PHACTR2: variants seen among roughly 807,000 people sequenced by gnomAD.
PHACTR2 encodes chromosome 6 open reading frame 56.
In PHACTR2, 30 loss-of-function variants were observed where a neutral mutation model predicts 76.0. That is an observed-to-expected ratio of 0.39 (90% CI 0.30 to 0.54). The LOEUF (loss-of-function observed/expected upper bound fraction) is 0.54. Ranked by LOEUF, PHACTR2 falls within the 20% of genes least tolerant of loss-of-function variation. PHACTR2 has a pLI of 0.61. For missense variants in PHACTR2, 696 were observed against 781.1 expected (o/e 0.89, Z 1.30); for synonymous variants, 292 against 292.5 (o/e 1.00, Z 0.02).
chr6:143,702,631 G>A (rs946189801), intron 1 of PHACTR2, among the ~76,000 whole-genome samples: 2 of 152,096 alleles, frequency 1.3e-5, no homozygotes, highest in East Asian at 3.8e-4. Context: ...TATATATAGG[G>A]CTTTAATATA....
chr6:143,725,286 C>A (rs1236139355), intron 2 of PHACTR2, among the ~76,000 whole-genome samples: 1 of 148,506 alleles, frequency 6.7e-6, no homozygotes, highest in Admixed American at 6.7e-5. Flanking sequence ...CGGCAAGCTC[C>A]GCCTCCTGGG....
chr6:143,788,751 CT>C (rs1775611284), intron 10 of PHACTR2, 21 bp from the exon 11 acceptor site: 2 of 1,599,268 alleles, frequency 1.3e-6, no homozygotes, highest in South Asian at 1.1e-5. Context: ...TGAACTCTGC[CT>C]TTTTCCTTGT....
At chr6:143,723,309 A>G (rs780139589) in intron 2 of PHACTR2, among the ~76,000 whole-genome samples, 1 of 152,216 alleles carries the variant, frequency 6.6e-6, no homozygotes, top group Non-Finnish European at 1.5e-5. Flanking sequence ...TAGCTAGACC[A>G]TCCAGATGGC....
intron 1 of PHACTR2, among the ~76,000 whole-genome samples, chr6:143,636,807 T>A (rs540239031): frequency 6.6e-6 from 1 of 152,372 alleles, no homozygotes; most frequent in South Asian, 2.1e-4. Context: ...CATACCCAAC[T>A]CACCAAACAA....
intron 2 of PHACTR2, among the ~76,000 whole-genome samples, chr6:143,726,441 C>T (rs997768584): frequency 2.0e-5 from 3 of 152,090 alleles, no homozygotes; most frequent in Admixed American, 6.5e-5. Flanking sequence ...CCTTTTTGCC[C>T]CCCCAGTAAC....
At chr6:143,718,783 T>C (rs1459439206) in intron 2 of PHACTR2, among the ~76,000 whole-genome samples, 1 of 152,196 alleles carries the variant, frequency 6.6e-6, no homozygotes, top group African/African-American at 2.4e-5. Flanking sequence ...CTTAAGGTGA[T>C]ATTTGTTAAG....
In PHACTR2 at chr6:143,829,617, C is replaced by T. The variant is rs1220286967; in HGVS notation, c.*5928C>T. Reference sequence around the variant, plus strand: ...TTTACTTAGGTGAAACATTATTAAACTGTACTAACAATACAGAAACATATT... The same window carrying T: ...TTTACTTAGGTGAAACATTATTAAATTGTACTAACAATACAGAAACATATT... On this transcript the variant is annotated 3_prime_UTR_variant, in exon 13 of 13. Transcript: ENST00000440869. 2 of 152,172 alleles carry T rather than the reference C, an allele frequency of 1.3e-5. No homozygotes were observed. Among genetic ancestry groups the T allele is most frequent in the Non-Finnish European group, 2.9e-5 (2 of 68,034 alleles). 9.4% of individuals were successfully genotyped at this position (152,172 alleles called of 1,614,324 possible).
At chr6:143,642,760 A>T (rs1776590914) in intron 1 of PHACTR2, among the ~76,000 whole-genome samples, 1 of 152,212 alleles carries the variant, frequency 6.6e-6, no homozygotes, top group South Asian at 2.1e-4. Context: ...AAACCTAGGA[A>T]TGTCAAAGTT....
rs1005986691 is a variant in PHACTR2 at position 143,828,915 on chromosome 6, C to T, written c.*5226C>T. On this transcript the variant is annotated 3_prime_UTR_variant, in exon 13 of 13. Transcript: ENST00000440869. This position sits in a 1 kb window ranked among gnomAD's most constrained non-coding sequence, Gnocchi z 4.7. ...CTCCCTGGGAGGTTGGTATCACCTC[C>T]CCTGAATGCCACTGTCTACTGCATT... 6.6e-5 allele frequency: 10 copies of T among 152,162 alleles called. No homozygotes were observed. Among genetic ancestry groups the T allele is most frequent in the Non-Finnish European group, 1.0e-4 (7 of 68,026 alleles). The allele number at this position is 152,162 out of a possible 1,614,324, so 9.4% of individuals were successfully genotyped here. A position where few individuals can be genotyped will look rare whatever the true frequency, so the allele number is the denominator to read the frequency against.
chr6:143,609,195 TCTACA>T (rs1019311168), intron 1 of PHACTR2, among the ~76,000 whole-genome samples: 70 of 152,246 alleles, frequency 4.6e-4, no homozygotes, highest in African/African-American at 1.5e-3. Context: ...TAAAACACAT[TCTACA>T]CTACAAGACC....
upstream of PHACTR2, among the ~76,000 whole-genome samples, chr6:143,604,226 A>G (rs1416340323): frequency 6.6e-6 from 1 of 152,260 alleles, no homozygotes; most frequent in African/African-American, 2.4e-5. Context: ...GAAACTCAAA[A>G]GGTTGAAATA....
chr6:143,796,725 G>T (rs1232260592), intron 11 of PHACTR2, among the ~76,000 whole-genome samples: 1 of 152,092 alleles, frequency 6.6e-6, no homozygotes, highest in African/African-American at 2.4e-5. Context: ...CCGTGTCCCT[G>T]CAAAGGACAT....
intron 1 of PHACTR2, among the ~76,000 whole-genome samples, chr6:143,629,827 A>G (rs984387165): frequency 3.3e-5 from 5 of 152,218 alleles, no homozygotes; most frequent in Admixed American, 3.3e-4. Context: ...AGGAGCGGTC[A>G]GGGTGCTGCT....
chr6:143,719,473 C>T (rs1266297332), intron 2 of PHACTR2, among the ~76,000 whole-genome samples: 1 of 149,646 alleles, frequency 6.7e-6, no homozygotes, highest in East Asian at 2.1e-4. Flanking sequence ...CCTCAGCCTC[C>T]TGAGTAGCTG....
At chr6:143,586,731 A>C (rs1479131671) in intron 1 of PHACTR2, among the ~76,000 whole-genome samples, 1 of 152,184 alleles carries the variant, frequency 6.6e-6, no homozygotes, top group Non-Finnish European at 1.5e-5. Flanking sequence ...ACTGCCATGA[A>C]AAGGGGCGGT....
At position 143,742,115 on chromosome 6, in the gene PHACTR2, A is replaced by G. The variant is rs983224409; in HGVS notation, c.215-6870A>G. The stretch of plus-strand genomic sequence containing the variant: ...AGTGAAACTCCATCTCAAAAAAAAA[A>G]AACAACAACATTTATTTGATACTTT... On this transcript the variant is annotated intron_variant, in intron 2 of 12. Coordinates refer to ENST00000440869, the MANE Select transcript of PHACTR2 (RefSeq NM_001100164.2). This position sits in a 1 kb window ranked among gnomAD's most constrained non-coding sequence, Gnocchi z 4.5. Among the ~76,000 whole-genome samples, 2 of 152,110 alleles carry G rather than the reference A, an allele frequency of 1.3e-5. No individual in the cohort carries two copies. The highest frequency in any genetic ancestry group is 4.8e-5 in the African/African-American group (2 of 41,414).
At position 143,755,699 on chromosome 6, in the gene PHACTR2, A is replaced by AGGC. The variant is rs1779281575; in HGVS notation, c.454+1788_454+1790dup. Among the ~76,000 whole-genome samples the AGGC allele has an allele frequency of 6.6e-6, 1 of 152,200 alleles. No homozygotes were observed. Among genetic ancestry groups the AGGC allele is most frequent in the Admixed American group, 6.5e-5 (1 of 15,296 alleles). On this transcript the variant is annotated intron_variant, in intron 4 of 12. Coordinates refer to ENST00000440869, the MANE Select transcript of PHACTR2 (RefSeq NM_001100164.2). This position sits in a 1 kb window ranked among gnomAD's most constrained non-coding sequence, Gnocchi z 5.2. ...GCTGGATGCTGACATACCACTAAAG[A>AGGC]GGCAGTGCGGCTGTCTCCTGTGTGG...
chr6:143,572,807 C>A (rs781694515), intron 1 of PHACTR2, among the ~76,000 whole-genome samples: 11 of 152,204 alleles, frequency 7.2e-5, no homozygotes, highest in Non-Finnish European at 7.3e-5. Context: ...CCTGCCTCTG[C>A]CTCCCAAAGT....
rs892999104 is a variant in PHACTR2 at position 143,658,939 on chromosome 6, G to T, written c.13+50617G>T. On this transcript the variant is annotated intron_variant, in intron 1 of 11. Coordinates refer to the PHACTR2 transcript ENST00000305766. The surrounding 1 kb of genome is among the most constrained non-coding windows in gnomAD (Gnocchi z 4.1). ...GCTCTGAGGCTGAGGCAGGAGAATC[G>T]CTTGAACCCAGGAGGTGGAGGCTGA... Among the ~76,000 whole-genome samples, 1 of 151,620 alleles carries T rather than the reference G, an allele frequency of 6.6e-6. No individual in the cohort carries two copies. Among genetic ancestry groups the T allele is most frequent in the Non-Finnish European group, 1.5e-5 (1 of 67,970 alleles).
Sources: gnomAD v4.1 joint callset for allele counts (sites outside exome capture counted in the v4.1 genomes callset) on GRCh38, gnomAD v4.1.1 for gene constraint, Gnocchi (gnomAD v3.1) non-coding constraint, MANE v1.5 for transcripts, NCBI Gene and HGNC (gene_info 2026-07-23, HGNC 2026-07-21) for gene names.